Variants in TIMM50 observed in about 807,000 individuals in gnomAD.
The protein encoded by TIMM50 is mitochondrial import inner membrane translocase subunit TIM50.
TIMM50 carries 34 observed loss-of-function variants against 49.6 expected under a neutral mutation model. That is an observed-to-expected ratio of 0.69 (90% CI 0.52 to 0.91). The LOEUF is 0.91. Ranked by LOEUF, TIMM50 falls within the 40% of genes least tolerant of loss-of-function variation. The probability of loss-of-function intolerance (pLI) is 0.00; values close to 1 mark genes in which losing one functional copy is unlikely to be tolerated. For missense variants in TIMM50, 458 were observed against 477.8 expected (o/e 0.96, Z 0.39); for synonymous variants, 199 against 198.4 (o/e 1.00, Z -0.03).
At position 39,488,232 on chromosome 19, in the gene TIMM50, T is replaced by C. The variant is rs1326310891; in HGVS notation, c.853+15T>C. The stretch of plus-strand genomic sequence containing the variant: ...CTTCCTCAAGAGTAAGGCTGACCCC[T>C]GATCCCTTGGCCTCTGACCCCAGAG... On this transcript the variant is annotated intron_variant, in intron 9 of 10. Coordinates refer to ENST00000607714, the MANE Select transcript of TIMM50 (RefSeq NM_001001563.5). 2 of 1,601,374 alleles carry C rather than the reference T, an allele frequency of 1.2e-6. No homozygotes were observed. The highest frequency in any genetic ancestry group is 2.2e-5 in the East Asian group (1 of 44,466).
In TIMM50 at chr19:39,480,840, GGC is replaced by G. The variant is rs377545742; in HGVS notation, c.-12_-11del. On this transcript the variant is annotated 5_prime_UTR_variant, in exon 1 of 11. Coordinates refer to ENST00000607714, the MANE Select transcript of TIMM50 (RefSeq NM_001001563.5). ...AGGGAGCGAGTGGGCGGGGCCGCGT[GGC>G]GTCAGCGCAAGATGGCGGCCTCGGC... The G allele has an allele frequency of 3.1e-6, 5 of 1,594,386 alleles. No homozygotes were observed. In the African/African-American group the frequency reaches 5.4e-5, roughly 17 times the overall value.
At chr19:39,481,033 T>A in intron 1 of TIMM50, 72 bp downstream of exon 1, 1 of 1,466,204 alleles carries the variant, frequency 6.8e-7, no homozygotes. Context: ...CGCCGCCCCT[T>A]GGGGGTTCCG....
chr19:39,489,581 T>G, intron 10 of TIMM50, 138 bp from the exon 11 acceptor site: 2 of 817,932 alleles, frequency 2.4e-6, no homozygotes, highest in South Asian at 1.9e-5. Flanking sequence ...GCCCCAGGGT[T>G]TGGGGAAAGG....
rs949933169 is a variant in TIMM50 at position 39,491,163 on chromosome 19, A to G, written c.*1343A>G. On this transcript the variant is annotated 3_prime_UTR_variant, in exon 11 of 11. Transcript: ENST00000607714. ...CCAGTACAGTAGCCAGTGGCCACAT[A>G]AACCTTTGTTTTTTTTTTTTGAGAC... The G allele has an allele frequency of 7.0e-6, 1 of 142,168 alleles. No homozygotes were observed. The highest frequency in any genetic ancestry group is 1.5e-5 in the Non-Finnish European group (1 of 65,230). The allele number at this position is 142,168 out of a possible 1,614,324, so 8.8% of individuals were successfully genotyped here.
chr19:39,480,944 CG>C lies in TIMM50; in HGVS notation c.92del (p.Arg31ProfsTer50). ...GTGCACGAGGTTGGCGACGCCGCCC[CG>C]CCGGGCCCCAGATCAGGTGAGCGGA... Reference protein sequence around the residue: ...GLCTRLATPPRRAPDQAAEIG... With the variant: ...GLCTRLATPPXRAPDQAAEIG... On this transcript the variant is annotated frameshift_variant, in exon 1 of 11. Transcript: ENST00000607714. LOFTEE classifies it high-confidence loss of function. The C allele has an allele frequency of 6.3e-7, 1 of 1,586,214 alleles. No homozygotes were observed. The highest frequency in any genetic ancestry group is 2.3e-5 in the East Asian group (1 of 44,218).
At position 39,490,764 on chromosome 19, in the gene TIMM50, G is replaced by C. The variant is rs1290798431; in HGVS notation, c.*944G>C. The C allele has an allele frequency of 6.6e-6, 1 of 152,046 alleles. No homozygotes were observed. Among genetic ancestry groups the C allele is most frequent in the East Asian group, 2.0e-4 (1 of 5,098 alleles). The allele number at this position is 152,046 out of a possible 1,614,324, so 9.4% of individuals were successfully genotyped here. On this transcript the variant is annotated 3_prime_UTR_variant, in exon 11 of 11. Coordinates refer to ENST00000607714, the MANE Select transcript of TIMM50 (RefSeq NM_001001563.5). Reference sequence around the variant, plus strand: ...TAGCGGGGCGCAGTGGCTCACGCCTGTAATCCCAGCACTTTGGGAGGCTGA... The same window carrying C: ...TAGCGGGGCGCAGTGGCTCACGCCTCTAATCCCAGCACTTTGGGAGGCTGA...
Position 39,488,217 on chromosome 19 carries a change from A to G in TIMM50, c.853A>G (p.Thr285Ala). ...GTTGGATCTGTCTGCCTTCCTCAAG[A>G]GTAAGGCTGACCCCTGATCCCTTGG... ...VLLDLSAFLK[T>A]IALNGVEDVR... The change falls in exon 9 of 11, where the codon ACC becomes GCC. Residue 285 changes from threonine (T) to alanine (A), a missense_variant and splice_region_variant. Transcript: ENST00000607714. 1 of 1,610,754 alleles carries G rather than the reference A, an allele frequency of 6.2e-7. No individual in the cohort carries two copies. The highest frequency in any genetic ancestry group is 8.5e-7 in the Non-Finnish European group (1 of 1,177,368).
At chr19:39,488,726 C>A in intron 10 of TIMM50, 81 bp downstream of exon 10, 1 of 1,146,702 alleles carries the variant, frequency 8.7e-7, no homozygotes, top group Non-Finnish European at 1.3e-6. Context: ...TCTCCACACT[C>A]TTGGTTTGGC....
chr19:39,483,618 A>G (rs1293663255), intron 4 of TIMM50: 2 of 159,202 alleles, frequency 1.3e-5, no homozygotes, highest in African/African-American at 4.8e-5. Flanking sequence ...CAATCCTGTC[A>G]CACCTGGCTC....
rs943787303 is a variant in TIMM50 at position 39,491,813 on chromosome 19, C to T, written c.*1993C>T. Reference sequence around the variant, plus strand: ...CTAAATTCTAGCCTGGGCAACAGAGCGAGACCCTGTCTCAAAAAAAAAAAA... The same window carrying T: ...CTAAATTCTAGCCTGGGCAACAGAGTGAGACCCTGTCTCAAAAAAAAAAAA... On this transcript the variant is annotated 3_prime_UTR_variant, in exon 11 of 11. Coordinates refer to ENST00000607714, the MANE Select transcript of TIMM50 (RefSeq NM_001001563.5). The T allele has an allele frequency of 1.7e-5, 2 of 117,510 alleles. No individual in the cohort carries two copies. Among genetic ancestry groups the T allele is most frequent in the Non-Finnish European group, 3.2e-5 (2 of 61,864 alleles). 7.3% of individuals were successfully genotyped at this position (117,510 alleles called of 1,614,324 possible).
Position 39,491,826 on chromosome 19 carries a change from CAAAAAAAAA to C in TIMM50, c.*2023_*2031del, listed in dbSNP as rs35118321. The C allele has an allele frequency of 1.7e-4, 11 of 64,068 alleles. No individual in the cohort carries two copies. In the East Asian group the frequency reaches 1.7e-3, roughly 10 times the overall value. 4.0% of individuals were successfully genotyped at this position (64,068 alleles called of 1,614,324 possible). On this transcript the variant is annotated 3_prime_UTR_variant, in exon 11 of 11. Transcript: ENST00000607714. ...TGGGCAACAGAGCGAGACCCTGTCT[CAAAAAAAAA>C]AAAAAAAAAAAAAAAACCTTAAGAT...
Position 39,480,923 on chromosome 19 carries a change from A to T in TIMM50, c.70A>T (p.Thr24Ser), listed in dbSNP as rs759338111. ...CCGGCTCGGCTCGCGGGGACTGTGC[A>T]CGAGGTTGGCGACGCCGCCCCGCCG... ...GLRLGSRGLC[T>S]RLATPPRRAP... The change falls in exon 1 of 11, where the codon ACG becomes TCG. Residue 24 changes from threonine to serine, a missense_variant. Thr to Ser is a moderately conservative substitution (Grantham distance 58, BLOSUM62 1). Transcript: ENST00000607714. 2 of 1,589,146 alleles carry T rather than the reference A, an allele frequency of 1.3e-6. No individual in the cohort carries two copies. The highest frequency in any genetic ancestry group is 2.2e-5 in the South Asian group (2 of 89,908).
chr19:39,492,798 GAGGC>G lies in TIMM50; in HGVS notation c.*2981_*2984del, dbSNP rs1159464371. ...AGGCAGGAGAATCGATTAAACCCAG[GAGGC>G]AGAGGTTGCAGTGAGCTGAGATCAC... On this transcript the variant is annotated 3_prime_UTR_variant, in exon 11 of 11. Transcript: ENST00000607714. 4 of 137,016 alleles carry G rather than the reference GAGGC, an allele frequency of 2.9e-5. No individual in the cohort carries two copies. The highest frequency in any genetic ancestry group is 6.1e-5 in the Non-Finnish European group (4 of 65,440). The allele number at this position is 137,016 out of a possible 1,614,324, so 8.5% of individuals were successfully genotyped here. A position where few individuals can be genotyped will look rare whatever the true frequency, so the allele number is the denominator to read the frequency against.
Position 39,480,934 on chromosome 19 carries a change from G to T in TIMM50, c.81G>T (p.Ala27=). ...LGSRGLCTRL[A]TPPRRAPDQA... is the part of the protein sequence containing the mutation. The stretch of plus-strand genomic sequence containing the variant: ...CGCGGGGACTGTGCACGAGGTTGGC[G>T]ACGCCGCCCCGCCGGGCCCCAGATC... Residue 27 remains alanine (A), a synonymous_variant, in exon 1 of 11, where the codon GCG becomes GCT. Transcript: ENST00000607714. 1 of 1,586,138 alleles carries T rather than the reference G, an allele frequency of 6.3e-7. No individual in the cohort carries two copies. Among genetic ancestry groups the T allele is most frequent in the Non-Finnish European group, 8.5e-7 (1 of 1,174,314 alleles).
In TIMM50 at chr19:39,488,071, G is replaced by A. The variant is rs1367271105; in HGVS notation, c.707G>A (p.Cys236Tyr). ...GTCACTCACTTCCAGGATATTTCAT[G>A]TCTGAATCGGGACCCAGCTCGAGTA... ...MDGHHVKDIS[C>Y]LNRDPARVVV... The change falls in exon 9 of 11, where the codon TGT becomes TAT. Residue 236 changes from cysteine to tyrosine, a missense_variant. By Grantham distance (194) the Cys-to-Tyr change is radical. Transcript: ENST00000607714. 5.0e-6 allele frequency: 8 copies of A among 1,609,896 alleles called. No homozygotes were observed. The highest frequency in any genetic ancestry group is 4.5e-5 in the East Asian group (2 of 44,704).
At chr19:39,482,142 T>A in intron 2 of TIMM50, 109 bp downstream of exon 2, 1 of 1,428,926 alleles carries the variant, frequency 7.0e-7, no homozygotes, top group Non-Finnish European at 9.5e-7. Context: ...ATTCCCTGGC[T>A]CCTTCCTCAA....
rs1359506372 is a variant in TIMM50 at position 39,485,746 on chromosome 19, A to G, written c.431A>G (p.Tyr144Cys). 4 of 1,613,738 alleles carry G rather than the reference A, an allele frequency of 2.5e-6. No homozygotes were observed. Among genetic ancestry groups the G allele is most frequent in the Non-Finnish European group, 3.4e-6 (4 of 1,179,990 alleles). Residue 144 changes from tyrosine to cysteine, a missense_variant, in exon 6 of 11, where the codon TAC becomes TGC. Physicochemically the swap from Tyr to Cys is radical, Grantham distance 194. Coordinates refer to ENST00000607714, the MANE Select transcript of TIMM50 (RefSeq NM_001001563.5). Reference sequence around the variant, plus strand: ...CCAGACCCTCTGCAGGAACCGTACTACCAGCCACCCTACACGCTCGTTTTG... The same window carrying G: ...CCAGACCCTCTGCAGGAACCGTACTGCCAGCCACCCTACACGCTCGTTTTG... ...LLPDPLQEPY[Y>C]QPPYTLVLEL...
At chr19:39,481,378 C>T (rs188075284) in intron 1 of TIMM50, 123 of 270,820 alleles carry the variant, frequency 4.5e-4, no homozygotes, top group African/African-American at 2.5e-4. Flanking sequence ...GCCATTCTGA[C>T]CTCCAAGTCT....
rs1397565329 is a variant in TIMM50 at position 39,490,223 on chromosome 19, T to C, written c.*403T>C. 5.4e-6 allele frequency: 1 copy of C among 185,642 alleles called. No homozygotes were observed. Among genetic ancestry groups the C allele is most frequent in the African/African-American group, 2.3e-5 (1 of 42,920 alleles). 11.5% of individuals were successfully genotyped at this position (185,642 alleles called of 1,614,324 possible). A position where few individuals can be genotyped will look rare whatever the true frequency, so the allele number is the denominator to read the frequency against. On this transcript the variant is annotated 3_prime_UTR_variant, in exon 11 of 11. Coordinates refer to ENST00000607714, the MANE Select transcript of TIMM50 (RefSeq NM_001001563.5). ...AGCTGCCAGGCTACTGTGGAGAGAA[T>C]GTGTTATGGGCCTAGTGGGCCTCTG...
Sources: allele counts gnomAD v4.1 joint callset, GRCh38; gene constraint gnomAD v4.1.1; transcripts MANE v1.5; gene names NCBI Gene and HGNC (gene_info 2026-07-23, HGNC 2026-07-21).